The following NRXN3 variants were observed in gnomAD, a reference collection of about 807,000 sequenced individuals.
The protein encoded by NRXN3 is neurexin III.
Under a neutral mutation model 137.6 loss-of-function variants are expected in NRXN3, and 32 were observed. That is an observed-to-expected ratio of 0.23 (90% CI 0.18 to 0.31). The LOEUF (loss-of-function observed/expected upper bound fraction) is 0.31. Among genes scored for constraint, NRXN3 ranks in the 10% least tolerant of loss-of-function variants. NRXN3 has a pLI of 1.00. For synonymous variants in NRXN3, 798 were observed against 784.5 expected (o/e 1.02, Z -0.29); for missense variants, 1,574 against 2,062.5 (o/e 0.76, Z 4.59).
chr14:78,271,333 T>C (rs139643143), intron 2 of NRXN3, among the ~76,000 whole-genome samples: 258 of 152,324 alleles, frequency 1.7e-3, no homozygotes, highest in Non-Finnish European at 2.9e-3. Flanking sequence ...GAACTGGCTT[T>C]ACTACCATTA....
chr14:78,377,876 T>C (rs548726111), intron 4 of NRXN3, among the ~76,000 whole-genome samples: 4 of 152,332 alleles, frequency 2.6e-5, no homozygotes, highest in Admixed American at 2.6e-4. Context: ...AAACATAATT[T>C]AGTCCATAAC....
chr14:79,023,521 G>A lies in NRXN3; in HGVS notation c.3262+35380G>A, dbSNP rs1369414686. On this transcript the variant is annotated intron_variant, in intron 15 of 20. Coordinates refer to ENST00000335750, the MANE Select transcript of NRXN3 (RefSeq NM_001330195.2). ...GTGTTGGGATTAAGTGAAGGGAGGT[G>A]TATTAGTCCATTCTCACACTGCTAT... 1.2e-4 allele frequency among the ~76,000 whole-genome samples: 19 copies of A among 152,024 alleles called. 1 individual carries two copies. Among genetic ancestry groups the A allele is most frequent in the Admixed American group, 1.2e-3 (18 of 15,258 alleles).
chr14:78,172,806 G>T (rs1056856737), intron 1 of NRXN3, among the ~76,000 whole-genome samples: 3 of 152,130 alleles, frequency 2.0e-5, no homozygotes, highest in African/African-American at 7.2e-5. Flanking sequence ...ATTGCTTCTT[G>T]AGAAGAGGAG....
chr14:79,522,015 T>C (rs61309702), intron 16 of NRXN3, among the ~76,000 whole-genome samples: 4,170 of 152,246 alleles, frequency 0.027, 200 homozygotes, highest in African/African-American at 0.095. Flanking sequence ...ACAGTCCTGG[T>C]GAGTCAGAGA....
At chr14:79,708,069 C>T (rs1194376011) in intron 19 of NRXN3, among the ~76,000 whole-genome samples, 3 of 152,180 alleles carry the variant, frequency 2.0e-5, no homozygotes, top group Non-Finnish European at 2.9e-5. Flanking sequence ...ACAATGACCA[C>T]TTCTATGTAA....
At chr14:79,595,532 T>A (rs1464175288) in intron 16 of NRXN3, among the ~76,000 whole-genome samples, 1 of 152,186 alleles carries the variant, frequency 6.6e-6, no homozygotes, top group East Asian at 1.9e-4. Context: ...CATTTAAATT[T>A]AAAAACTCAA....
At chr14:78,217,806 C>T (rs996243568) in intron 1 of NRXN3, among the ~76,000 whole-genome samples, 2 of 152,244 alleles carry the variant, frequency 1.3e-5, no homozygotes, top group East Asian at 1.9e-4. Flanking sequence ...GGATTACAGG[C>T]GTGTACACCA....
chr14:78,645,521 G>A, intron 5 of NRXN3, 100 bp downstream of exon 5: 1 of 974,360 alleles, frequency 1.0e-6, no homozygotes, highest in Non-Finnish European at 1.5e-6. Flanking sequence ...GAGGGGTGGA[G>A]ATTCAGGGAT....
rs115470591 is a variant in NRXN3, at chr14:79,252,983, C to T, written c.3263-214238C>T. 1.3e-3 allele frequency among the ~76,000 whole-genome samples: 192 copies of T among 152,280 alleles called. 1 individual carries two copies. Among genetic ancestry groups the T allele is most frequent in the African/African-American group, 4.4e-3 (183 of 41,564 alleles). The stretch of plus-strand genomic sequence containing the variant: ...GACTTGAAGACTCCCAAGGAACTTA[C>T]ATCAGAAGGAGAGAAAATGGGGTTC... On this transcript the variant is annotated intron_variant, in intron 15 of 20. Transcript: ENST00000335750.
chr14:78,394,369 A>C (rs1305929388), intron 4 of NRXN3, among the ~76,000 whole-genome samples: 1 of 151,918 alleles, frequency 6.6e-6, no homozygotes, highest in Non-Finnish European at 1.5e-5. Flanking sequence ...AATGTGCTAG[A>C]TTACATTGAT....
intron 15 of NRXN3, among the ~76,000 whole-genome samples, chr14:79,252,657 C>T (rs566625853): frequency 2.6e-5 from 4 of 151,834 alleles, no homozygotes; most frequent in Non-Finnish European, 4.4e-5. Context: ...TCAGAGGGTG[C>T]GAGAAAAGTG....
intron 15 of NRXN3, among the ~76,000 whole-genome samples, chr14:79,466,186 T>A (rs1259263752): frequency 6.6e-6 from 1 of 152,220 alleles, no homozygotes; most frequent in African/African-American, 2.4e-5. Flanking sequence ...ATGTTTTTTC[T>A]GTTTCTTGTA....
intron 19 of NRXN3, among the ~76,000 whole-genome samples, chr14:79,803,832 A>G (rs2099191300): frequency 6.6e-6 from 1 of 151,422 alleles, no homozygotes; most frequent in Non-Finnish European, 1.5e-5. Flanking sequence ...TGTAATAGTC[A>G]TCCCTGTCCC....
intron 15 of NRXN3, among the ~76,000 whole-genome samples, chr14:79,213,021 A>G (rs774375605): frequency 1.3e-5 from 2 of 152,170 alleles, no homozygotes; most frequent in South Asian, 4.1e-4. Flanking sequence ...TAGATACAAT[A>G]TATTTTTTTC....
chr14:78,651,853 A>G (rs2097747941), intron 6 of NRXN3, among the ~76,000 whole-genome samples: 1 of 152,192 alleles, frequency 6.6e-6, no homozygotes, highest in African/African-American at 2.4e-5. Flanking sequence ...ACATGTGGGA[A>G]TTGTGGGAGC....
chr14:79,370,322 T>TG (rs2094054397), intron 15 of NRXN3, among the ~76,000 whole-genome samples: 1 of 113,864 alleles, frequency 8.8e-6, no homozygotes, highest in South Asian at 3.2e-4. Context: ...GGTTTTTTTT[T>TG]GTTTTTTTTT....
intron 16 of NRXN3, among the ~76,000 whole-genome samples, chr14:79,487,423 G>A (rs897048113): frequency 6.6e-6 from 1 of 152,036 alleles, no homozygotes; most frequent in Non-Finnish European, 1.5e-5. Flanking sequence ...CATGTTTAGG[G>A]CCAAAATCAG....
Position 78,200,401 on chromosome 14 carries a change from C to T in NRXN3, c.-704+29727C>T, listed in dbSNP as rs1181910013. ...ATGGATGTCAGTCTTACTGAAACTC[C>T]AGTGCATGGTTCTCAAGGTCACCTG... On this transcript the variant is annotated intron_variant, in intron 1 of 20. Transcript: ENST00000335750. Among the ~76,000 whole-genome samples, 13 of 152,318 alleles carry T rather than the reference C, an allele frequency of 8.5e-5. No individual in the cohort carries two copies. In the East Asian group the frequency reaches 2.1e-3, roughly 25 times the overall value.
chr14:78,704,493 G>A (rs957233827), intron 6 of NRXN3, among the ~76,000 whole-genome samples: 2 of 152,158 alleles, frequency 1.3e-5, no homozygotes, highest in Non-Finnish European at 2.9e-5. Flanking sequence ...ACCCCTAAGC[G>A]GGGAGGTATA....
Sources: allele counts gnomAD v4.1 joint callset (sites outside exome capture counted in the v4.1 genomes callset), GRCh38; gene constraint gnomAD v4.1.1; transcripts MANE v1.5; gene names NCBI Gene and HGNC (gene_info 2026-07-23, HGNC 2026-07-21).